FIGNL2: variants seen among roughly 807,000 people sequenced by gnomAD.
The protein encoded by FIGNL2 is fidgetin-like protein 2.
For synonymous variants in FIGNL2, 565 were observed against 484.0 expected, an observed-to-expected ratio of 1.17 and a Z score of -2.20; for missense variants, 1,060 against 950.2, an observed-to-expected ratio of 1.12 and a Z score of -1.52.
chr12:51,844,980 G>C (rs1484748266), intron 1 of FIGNL2: 1 of 596,316 alleles, frequency 1.7e-6, no homozygotes, highest in African/African-American at 2.0e-5. Flanking sequence ...ACATCAGAGA[G>C]GGATGGACTG....
chr12:51,837,866 G>A (rs1939604101), intron 1 of FIGNL2: 2 of 152,226 alleles, frequency 1.3e-5, no homozygotes, highest in African/African-American at 4.8e-5. Context: ...TCTTGCCTAG[G>A]TGTTGTTTGC....
chr12:51,837,314 G>A (rs966660886), intron 1 of FIGNL2, among the ~76,000 whole-genome samples: 1 of 152,104 alleles, frequency 6.6e-6, no homozygotes, highest in Non-Finnish European at 1.5e-5. Flanking sequence ...AAGAAGGTCC[G>A]GGGGAGCTGG....
At chr12:51,843,380 TACA>T (rs1939693748) in intron 1 of FIGNL2, among the ~76,000 whole-genome samples, 1 of 40,856 alleles carries the variant, frequency 2.4e-5, no homozygotes, top group Non-Finnish European at 5.4e-5. Context: ...CTACTAAAAA[TACA>T]AAAAAAAAAA....
At chr12:51,831,662 C>A (rs1263107253) in intron 1 of FIGNL2, 1 of 153,818 alleles carries the variant, frequency 6.5e-6, no homozygotes, top group African/African-American at 2.4e-5. Flanking sequence ...AAGGATGAAC[C>A]GAGGATGGGT....
chr12:51,847,837 C>G (rs1361395800), intron 1 of FIGNL2: 2 of 984,982 alleles, frequency 2.0e-6, no homozygotes, highest in East Asian at 2.3e-4. Context: ...GTTTGAGGGG[C>G]CCTCTCTGGA....
At chr12:51,822,572 C>G (rs1939247185) in intron 1 of FIGNL2, 148 bp from the exon 2 acceptor site, 1 of 824,352 alleles carries the variant, frequency 1.2e-6, no homozygotes, top group East Asian at 2.7e-5. Flanking sequence ...CTCTTGGGGC[C>G]CTCCCTCCAG....
intron 1 of FIGNL2, among the ~76,000 whole-genome samples, chr12:51,823,039 G>A (rs548834984): frequency 1.6e-4 from 24 of 152,332 alleles, no homozygotes; most frequent in Non-Finnish European, 2.8e-4. Context: ...GCGTGTATGG[G>A]ACTGCCTTAT....
Position 51,821,164 on chromosome 12 carries a change from G to C in FIGNL2, c.1250C>G (p.Ala417Gly). 1 of 1,478,416 alleles carries C rather than the reference G, an allele frequency of 6.8e-7. No homozygotes were observed. The highest frequency in any genetic ancestry group is 8.9e-7 in the Non-Finnish European group (1 of 1,125,276). The allele number at this position is 1,478,416 out of a possible 1,614,324, so 91.6% of individuals were successfully genotyped here. A position where few individuals can be genotyped will look rare whatever the true frequency, so the allele number is the denominator to read the frequency against. ...CGGCGGGCGCAGGCTGCCCGGGTAG[G>C]CGGGCGGCCTGAGCAGGGGCCACAC... ...ELVWPLLRPPAYPGSLRPPRT... is the reference protein window; with the variant it reads ...ELVWPLLRPPGYPGSLRPPRT... The change falls in exon 2 of 2, where the codon GCC becomes GGC. Residue 417 changes from alanine to glycine, a missense_variant. By Grantham distance (60) the Ala-to-Gly change is moderately conservative. Transcript: ENST00000618634.
Position 51,830,775 on chromosome 12 carries a change from C to T in FIGNL2, c.-11-8351G>A, listed in dbSNP as rs573309165. ...TAAAGTGCTGGATTACAGGCATGAG[C>T]CACCACACCCGGCCTACGCTCTTTT... On this transcript the variant is annotated intron_variant, in intron 1 of 1. Coordinates refer to ENST00000618634, the MANE Select transcript of FIGNL2 (RefSeq NM_001384995.1). Among the ~76,000 whole-genome samples the T allele has an allele frequency of 3.3e-4, 50 of 151,944 alleles. 1 individual carries two copies. In the South Asian group the frequency reaches 9.6e-3, roughly 29 times the overall value.
At chr12:51,832,373 T>C (rs996219549) in intron 1 of FIGNL2, among the ~76,000 whole-genome samples, 1 of 151,938 alleles carries the variant, frequency 6.6e-6, no homozygotes, top group Non-Finnish European at 1.5e-5. Context: ...TCTTTGCTTG[T>C]TTTTACCTTT....
intron 1 of FIGNL2, among the ~76,000 whole-genome samples, chr12:51,835,763 C>T (rs1398520099): frequency 6.6e-6 from 1 of 151,516 alleles, no homozygotes; most frequent in African/African-American, 2.4e-5. Flanking sequence ...TGGAGTCTCG[C>T]TTCTTAAGGT....
At chr12:51,828,909 G>GT (rs1348623449) in intron 1 of FIGNL2, among the ~76,000 whole-genome samples, 1 of 152,220 alleles carries the variant, frequency 6.6e-6, no homozygotes, top group Non-Finnish European at 1.5e-5. Context: ...ACAGGGTGAG[G>GT]TAGGAAGAAA....
chr12:51,821,339 AC>A lies in FIGNL2; in HGVS notation c.1074del (p.Phe359SerfsTer20). ...GGAGTCTCCCCCGACGGCACGGCGA[AC>A]CCCCCACGAGGAGCCGGGGCCCGCT... ...FPERAPAPRG[G>X]FAVPSGETPK... On this transcript the variant is annotated frameshift_variant, in exon 2 of 2. Coordinates refer to ENST00000618634, the MANE Select transcript of FIGNL2 (RefSeq NM_001384995.1). LOFTEE classifies it low-confidence loss of function (END_TRUNC). 2 of 1,498,936 alleles carry A rather than the reference AC, an allele frequency of 1.3e-6. No individual in the cohort carries two copies. The allele number at this position is 1,498,936 out of a possible 1,614,324, so 92.9% of individuals were successfully genotyped here.
chr12:51,843,471 C>T (rs1011128385), intron 1 of FIGNL2, among the ~76,000 whole-genome samples: 2 of 151,940 alleles, frequency 1.3e-5, no homozygotes, highest in African/African-American at 4.8e-5. Context: ...TTGCTTGAAC[C>T]CAGGAGGTGG....
chr12:51,830,750 T>C (rs618285), intron 1 of FIGNL2, among the ~76,000 whole-genome samples: 137,649 of 152,020 alleles, frequency 0.91, 62,817 homozygotes, highest in East Asian at 0.96. Context: ...CTTGGCCTCC[T>C]AAAGTGCTGG....
At chr12:51,828,846 G>T (rs993595226) in intron 1 of FIGNL2, among the ~76,000 whole-genome samples, 6 of 152,244 alleles carry the variant, frequency 3.9e-5, no homozygotes, top group African/African-American at 1.4e-4. Context: ...CGCTGGTTTA[G>T]ATCAGTGGAC....
chr12:51,833,842 A>G (rs959941325), intron 1 of FIGNL2, among the ~76,000 whole-genome samples: 1 of 152,238 alleles, frequency 6.6e-6, no homozygotes, highest in Non-Finnish European at 1.5e-5. Context: ...CCCACTAGAA[A>G]GTTCATGAGA....
rs1425872358 is a variant in FIGNL2 at position 51,820,890 on chromosome 12, G to A, written c.1524C>T (p.Gly508=). 3.0e-6 allele frequency: 4 copies of A among 1,343,892 alleles called. No individual in the cohort carries two copies. The African/African-American group carries it at 4.6e-5, about 16-fold the overall frequency. 83.2% of individuals were successfully genotyped at this position (1,343,892 alleles called of 1,614,324 possible). A position where few individuals can be genotyped will look rare whatever the true frequency, so the allele number is the denominator to read the frequency against. The change falls in exon 2 of 2, where the codon GGC becomes GGT. Residue 508 remains glycine (G), a synonymous_variant. Transcript: ENST00000618634. ...AGGCCAGGAGCGGCACCTGCAGCGC[G>A]CCCCCTGCCGCCGCGCCGTCGTCCC... ...PARDDGAAAG[G]ALQVPLLACL... is the part of the protein sequence containing the mutation.
chr12:51,847,860 C>A (rs1332278680), intron 1 of FIGNL2: 1 of 982,526 alleles, frequency 1.0e-6, no homozygotes, highest in African/African-American at 1.7e-5. Flanking sequence ...GCTGGGCGCT[C>A]CGGGGGTCCC....
Sources: allele counts gnomAD v4.1 joint callset (sites outside exome capture counted in the v4.1 genomes callset), GRCh38; gene constraint gnomAD v4.1.1; transcripts MANE v1.5; gene names NCBI Gene and HGNC (gene_info 2026-07-23, HGNC 2026-07-21).